DLGAP2: variants seen among roughly 807,000 people sequenced by gnomAD.
DLGAP2 encodes the protein disks large-associated protein 2.
A neutral mutation model predicts 100.3 loss-of-function variants in DLGAP2; 26 were observed. The observed-to-expected ratio is 0.26, with a 90% CI of 0.19 to 0.36. The LOEUF (loss-of-function observed/expected upper bound fraction) is 0.36. DLGAP2 is among the 10% of genes least tolerant of loss of function. The pLI is 1.00. For missense variants in DLGAP2, 1,858 were observed against 1,453.2 expected, an observed-to-expected ratio of 1.28 and a Z score of -4.53; for synonymous variants, 886 against 630.1, an observed-to-expected ratio of 1.41 and a Z score of -6.08.
intron 3 of DLGAP2, among the ~76,000 whole-genome samples, chr8:1,383,133 C>T (rs561356746): frequency 2.0e-5 from 3 of 152,206 alleles, no homozygotes; most frequent in East Asian, 3.9e-4. Context: ...AGGGATCATC[C>T]CCTTTATCTA....
chr8:859,783 A>C (rs1022526030), intron 1 of DLGAP2, among the ~76,000 whole-genome samples: 1 of 152,258 alleles, frequency 6.6e-6, no homozygotes, highest in Admixed American at 6.5e-5. Flanking sequence ...GCAGGAGTGA[A>C]GGGGTTAACT....
Position 1,626,043 on chromosome 8 carries a change from G to A in DLGAP2, c.1443-697G>A, listed in dbSNP as rs1256126366. Among the ~76,000 whole-genome samples the A allele has an allele frequency of 6.4e-3, 742 of 116,500 alleles. 123 individuals carry two copies. Among genetic ancestry groups the A allele is most frequent in the African/African-American group, 0.034 (692 of 20,336 alleles). 76.4% of individuals were successfully genotyped at this position (116,500 alleles called of 152,430 possible). On this transcript the variant is annotated intron_variant, in intron 6 of 14. Coordinates refer to ENST00000637795, the MANE Select transcript of DLGAP2 (RefSeq NM_001346810.2). The stretch of plus-strand genomic sequence containing the variant: ...CCTGTGGCGGGTGCTCAGCCTCTGG[G>A]TGTGGGTTGGATGGCTTTCCCATCT...
intron 3 of DLGAP2, among the ~76,000 whole-genome samples, chr8:1,455,492 C>G (rs184845713): frequency 6.6e-6 from 1 of 152,214 alleles, no homozygotes; most frequent in South Asian, 2.1e-4. Flanking sequence ...CAGCTTTGCC[C>G]GTGTCCTTCA....
intron 2 of DLGAP2, among the ~76,000 whole-genome samples, chr8:1,152,048 A>G (rs1284899136): frequency 6.6e-6 from 1 of 152,216 alleles, no homozygotes; most frequent in Non-Finnish European, 1.5e-5. Context: ...TCCAAATTAG[A>G]AGATGACAAC....
At chr8:901,126 A>T (rs1286863598) in intron 1 of DLGAP2, among the ~76,000 whole-genome samples, 2 of 152,160 alleles carry the variant, frequency 1.3e-5, no homozygotes, top group African/African-American at 2.4e-5. Flanking sequence ...TTTAAAAAAA[A>T]TTGTTTTTTA....
chr8:1,537,730 GA>G (rs1801203131), intron 4 of DLGAP2, among the ~76,000 whole-genome samples: 1 of 15,110 alleles, frequency 6.6e-5, no homozygotes, highest in Non-Finnish European at 1.5e-4. Flanking sequence ...TGAAAGGATG[GA>G]AGGAAGGAAG....
chr8:874,987 T>C (rs1797663257), intron 1 of DLGAP2, among the ~76,000 whole-genome samples: 1 of 152,238 alleles, frequency 6.6e-6, no homozygotes, highest in South Asian at 2.1e-4. Context: ...GTTGTCTCTT[T>C]TATAGTTAGT....
intron 3 of DLGAP2, among the ~76,000 whole-genome samples, chr8:1,330,334 C>A (rs190920132): frequency 5.4e-5 from 7 of 128,988 alleles, no homozygotes; most frequent in Non-Finnish European, 1.0e-4. Context: ...GTGGGAGCAC[C>A]GCTTCGCGGG....
chr8:749,946 C>T (rs1217702123), intron 1 of DLGAP2, among the ~76,000 whole-genome samples: 1 of 152,186 alleles, frequency 6.6e-6, no homozygotes, highest in Non-Finnish European at 1.5e-5. Flanking sequence ...CTCCACGTGG[C>T]CTCCTCCTCT....
intron 3 of DLGAP2, among the ~76,000 whole-genome samples, chr8:1,318,088 TGTGC>T (rs1316291872): frequency 1.5e-5 from 1 of 68,528 alleles, no homozygotes; most frequent in African/African-American, 6.1e-5. Context: ...AAATAGAGCG[TGTGC>T]GAGTGCAGCG....
Position 1,677,762 on chromosome 8 carries a change from T to C in DLGAP2, c.2289-452T>C, listed in dbSNP as rs115238365. Among the ~76,000 whole-genome samples, 1,208 of 152,324 alleles carry C rather than the reference T, an allele frequency of 7.9e-3. 18 individuals carry two copies. Among genetic ancestry groups the C allele is most frequent in the African/African-American group, 0.028 (1,145 of 41,562 alleles). On this transcript the variant is annotated intron_variant, in intron 11 of 14. Coordinates refer to ENST00000637795, the MANE Select transcript of DLGAP2 (RefSeq NM_001346810.2). The stretch of plus-strand genomic sequence containing the variant: ...GCATACAGGGGTTAATGGGGACATA[T>C]TAAATTATCCAGACAGAAGTGGCTC...
At chr8:1,518,238 C>T (rs905735515) in intron 4 of DLGAP2, among the ~76,000 whole-genome samples, 4 of 152,094 alleles carry the variant, frequency 2.6e-5, no homozygotes, top group East Asian at 1.9e-4. Flanking sequence ...ACTGGAATGG[C>T]GACTGCTCCC....
intron 2 of DLGAP2, among the ~76,000 whole-genome samples, chr8:1,171,024 G>A (rs1428559674): frequency 6.6e-6 from 1 of 151,512 alleles, no homozygotes; most frequent in Non-Finnish European, 1.5e-5. Flanking sequence ...GGCATTTAGT[G>A]CTATAAATTT....
intron 2 of DLGAP2, among the ~76,000 whole-genome samples, chr8:1,154,451 C>T (rs1478691458): frequency 2.0e-5 from 3 of 152,072 alleles, no homozygotes; most frequent in African/African-American, 7.2e-5. Flanking sequence ...TCACTTCTAC[C>T]GTAAATTTGT....
intron 2 of DLGAP2, among the ~76,000 whole-genome samples, chr8:1,226,619 A>G (rs1464853873): frequency 2.0e-5 from 3 of 152,188 alleles, no homozygotes; most frequent in African/African-American, 7.2e-5. Flanking sequence ...CTGGAACTGA[A>G]AAAATAAATG....
chr8:1,646,751 G>T (rs926616218), intron 8 of DLGAP2, among the ~76,000 whole-genome samples: 1 of 152,200 alleles, frequency 6.6e-6, no homozygotes, highest in Non-Finnish European at 1.5e-5. Flanking sequence ...GTCGAGGCTG[G>T]CACTGCTGGG....
intron 2 of DLGAP2, among the ~76,000 whole-genome samples, chr8:960,734 C>T (rs919521293): frequency 1.3e-5 from 2 of 152,090 alleles, no homozygotes; most frequent in African/African-American, 4.8e-5. Context: ...GAGTTATAGC[C>T]CGATAAACCT....
rs116844566 is a variant in DLGAP2, at chr8:1,174,632, C to G, written c.74-84219C>G. Among the ~76,000 whole-genome samples the G allele has an allele frequency of 4.0e-5, 6 of 151,638 alleles. No homozygotes were observed. The East Asian group carries it at 1.2e-3, about 30-fold the overall frequency. On this transcript the variant is annotated intron_variant, in intron 2 of 14. Coordinates refer to ENST00000637795, the MANE Select transcript of DLGAP2 (RefSeq NM_001346810.2). ...ATCACCAAAATCATTATTACTGCCACCATCATCATCGTCGTCTTTACCATC... is the reference window on the plus strand; with the variant it reads ...ATCACCAAAATCATTATTACTGCCAGCATCATCATCGTCGTCTTTACCATC...
intron 4 of DLGAP2, among the ~76,000 whole-genome samples, chr8:1,540,995 T>G (rs1801344676): frequency 6.6e-6 from 1 of 152,192 alleles, no homozygotes; most frequent in South Asian, 2.1e-4. Context: ...ATCCACAGTT[T>G]GGTAACCAGC....
Sources: allele counts gnomAD v4.1 joint callset (sites outside exome capture counted in the v4.1 genomes callset), GRCh38; gene constraint gnomAD v4.1.1; transcripts MANE v1.5; gene names NCBI Gene and HGNC (gene_info 2026-07-23, HGNC 2026-07-21).